NRF1: variants seen among roughly 807,000 people sequenced by gnomAD.
The protein encoded by NRF1 is nuclear respiratory factor 1.
In NRF1, 5 loss-of-function variants were observed where a neutral mutation model predicts 58.5. The observed-to-expected ratio is 0.09, with a 90% CI of 0.04 to 0.18. The LOEUF (loss-of-function observed/expected upper bound fraction) is 0.18, where lower values mean the gene tolerates loss of function less well. NRF1 is among the 10% of genes least tolerant of loss of function. NRF1 has a pLI of 1.00. For synonymous variants in NRF1, 224 were observed against 246.7 expected, an observed-to-expected ratio of 0.91 and a Z score of 0.86; for missense variants, 288 against 657.7, an observed-to-expected ratio of 0.44 and a Z score of 6.15.
At chr7:129,619,478 G>T (rs1800737713) in intron 1 of NRF1, among the ~76,000 whole-genome samples, 1 of 34,640 alleles carries the variant, frequency 2.9e-5, no homozygotes, top group Admixed American at 4.3e-4. Context: ...GTGTGTGTGT[G>T]TGTGTGTGTG....
At chr7:129,643,038 A>T (rs1801330266) in intron 1 of NRF1, among the ~76,000 whole-genome samples, 1 of 152,180 alleles carries the variant, frequency 6.6e-6, no homozygotes, top group Non-Finnish European at 1.5e-5. Context: ...TTTTCTTGGA[A>T]TACACATGCT....
At chr7:129,681,988 A>G (rs1451163793) in intron 4 of NRF1, among the ~76,000 whole-genome samples, 1 of 151,500 alleles carries the variant, frequency 6.6e-6, no homozygotes, top group Non-Finnish European at 1.5e-5. Flanking sequence ...AGGCTGAGGC[A>G]GGAGGATTGC....
intron 2 of NRF1, among the ~76,000 whole-genome samples, chr7:129,666,415 A>T (rs972490992): frequency 2.6e-5 from 4 of 152,228 alleles, no homozygotes; most frequent in Admixed American, 2.6e-4. Context: ...TCACTCTGAT[A>T]CTATGTTTCT....
chr7:129,728,708 G>A (rs935387497), intron 10 of NRF1, among the ~76,000 whole-genome samples: 2 of 152,140 alleles, frequency 1.3e-5, no homozygotes, highest in African/African-American at 2.4e-5. Context: ...CCTCTGTCCC[G>A]CCAGAGAAGA....
At chr7:129,638,094 G>A (rs570209139) in intron 1 of NRF1, among the ~76,000 whole-genome samples, 1 of 151,642 alleles carries the variant, frequency 6.6e-6, no homozygotes, top group East Asian at 1.9e-4. Flanking sequence ...CATTGCTACT[G>A]GCACAGTTTT....
At chr7:129,711,646 G>GC (rs1288236703) in intron 8 of NRF1, 70 bp downstream of exon 8, 123 of 1,227,774 alleles carry the variant, frequency 1.0e-4, no homozygotes, top group Non-Finnish European at 1.4e-4. Context: ...CAAGGGTCCA[G>GC]AAGATGGAGT....
chr7:129,639,619 C>T (rs1801244780), intron 1 of NRF1, among the ~76,000 whole-genome samples: 1 of 149,418 alleles, frequency 6.7e-6, no homozygotes, highest in African/African-American at 2.5e-5. Flanking sequence ...GATCTCAGGG[C>T]TCACTGCAAC....
At chr7:129,699,012 A>G (rs1802759366) in intron 5 of NRF1, among the ~76,000 whole-genome samples, 1 of 152,178 alleles carries the variant, frequency 6.6e-6, no homozygotes, top group Admixed American at 6.5e-5. Flanking sequence ...CCTGGGCGGT[A>G]TTATTGATTA....
chr7:129,705,332 C>G (rs1802923112), intron 5 of NRF1, among the ~76,000 whole-genome samples: 1 of 151,904 alleles, frequency 6.6e-6, no homozygotes, highest in African/African-American at 2.4e-5. Flanking sequence ...GCTCTGTTGC[C>G]CAGGCTGGAG....
At chr7:129,662,183 G>T (rs1246270945) in intron 2 of NRF1, among the ~76,000 whole-genome samples, 1 of 152,050 alleles carries the variant, frequency 6.6e-6, no homozygotes, top group African/African-American at 2.4e-5. Context: ...TACAATTCAA[G>T]ATGAGATTTG....
chr7:129,660,432 G>A (rs1801753901), intron 2 of NRF1, among the ~76,000 whole-genome samples: 1 of 150,794 alleles, frequency 6.6e-6, no homozygotes, highest in South Asian at 2.1e-4. Context: ...AAGTCCCTCT[G>A]CCTATGAGCC....
At chr7:129,696,060 TAAAAAAAAA>T (rs11434445) in intron 5 of NRF1, among the ~76,000 whole-genome samples, 1 of 53,388 alleles carries the variant, frequency 1.9e-5, no homozygotes, top group African/African-American at 1.3e-4. Context: ...CCGTCTCTAC[TAAAAAAAAA>T]AAAAAAAAAA....
At chr7:129,665,525 G>T (rs542505416) in intron 2 of NRF1, among the ~76,000 whole-genome samples, 15 of 152,324 alleles carry the variant, frequency 9.8e-5, no homozygotes, top group East Asian at 9.6e-4. Context: ...AAGTTTATTT[G>T]TAGTGCAACT....
At chr7:129,712,369 A>G (rs1803093148) in intron 8 of NRF1, among the ~76,000 whole-genome samples, 1 of 152,224 alleles carries the variant, frequency 6.6e-6, no homozygotes, top group Non-Finnish European at 1.5e-5. Context: ...AATAGCCAAC[A>G]GATGTCAAAG....
chr7:129,641,282 A>T (rs936174645), intron 1 of NRF1, among the ~76,000 whole-genome samples: 2 of 152,180 alleles, frequency 1.3e-5, no homozygotes, highest in African/African-American at 4.8e-5. Flanking sequence ...TATTACTTTG[A>T]AAGTCATTTA....
intron 10 of NRF1, among the ~76,000 whole-genome samples, chr7:129,748,098 A>AC (rs751635279): frequency 5.0e-4 from 75 of 151,376 alleles, no homozygotes; most frequent in Admixed American, 7.9e-4. Flanking sequence ...ACATGGTGAA[A>AC]CCCCCACCTC....
At chr7:129,619,425 T>C (rs866325829) in intron 1 of NRF1, among the ~76,000 whole-genome samples, 6,724 of 82,016 alleles carry the variant, frequency 0.082, 519 homozygotes, top group African/African-American at 0.17. Flanking sequence ...TATATATATA[T>C]ATATATATAC....
At chr7:129,732,769 T>A (rs6949742) in intron 10 of NRF1, among the ~76,000 whole-genome samples, 126,178 of 151,878 alleles carry the variant, frequency 0.83, 53,466 homozygotes, top group East Asian at 0.93. Context: ...CACCCAGCTA[T>A]TTTTGTATTT....
At chr7:129,717,639 G>A (rs973439070) in intron 9 of NRF1, among the ~76,000 whole-genome samples, 2 of 152,180 alleles carry the variant, frequency 1.3e-5, no homozygotes, top group Non-Finnish European at 2.9e-5. Context: ...AAAACTCAAT[G>A]TATTGTTTCC....
Sources: gnomAD v4.1 joint callset for allele counts (sites outside exome capture counted in the v4.1 genomes callset) on GRCh38, gnomAD v4.1.1 for gene constraint, MANE v1.5 for transcripts, NCBI Gene and HGNC (gene_info 2026-07-23, HGNC 2026-07-21) for gene names.